The following CYS1 variants were observed in gnomAD, a reference collection of about 807,000 sequenced individuals.
CYS1 encodes the protein cystin 1.
Under a neutral mutation model 9.6 loss-of-function variants are expected in CYS1, and 5 were observed. The ratio of observed to expected loss-of-function variants is 0.52; its 90% confidence interval spans 0.27 to 1.10. The LOEUF is 1.10. Among genes scored for constraint, CYS1 ranks in the 50% least tolerant of loss-of-function variants. CYS1 has a pLI of 0.11. For missense variants in CYS1, 221 were observed against 207.9 expected, an observed-to-expected ratio of 1.06 and a Z score of -0.39; for synonymous variants, 88 against 95.7, an observed-to-expected ratio of 0.92 and a Z score of 0.47.
At chr2:10,060,717 T>C (rs1429580329) in intron 2 of CYS1, among the ~76,000 whole-genome samples, 5 of 152,276 alleles carry the variant, frequency 3.3e-5, no homozygotes, top group Non-Finnish European at 7.3e-5. Context: ...GCAGACGTTC[T>C]GGAGCCAGGC....
At chr2:10,074,602 T>C (rs1047458525) in intron 1 of CYS1, among the ~76,000 whole-genome samples, 1 of 152,200 alleles carries the variant, frequency 6.6e-6, no homozygotes, top group African/African-American at 2.4e-5. Flanking sequence ...ATGTTTTCAA[T>C]GTCCCCTCAT....
chr2:10,058,788 G>T lies in CYS1; in HGVS notation c.*65C>A. 1 of 1,386,492 alleles carries T rather than the reference G, an allele frequency of 7.2e-7. No homozygotes were observed. Among genetic ancestry groups the T allele is most frequent in the Non-Finnish European group, 9.8e-7 (1 of 1,015,552 alleles). 85.9% of individuals were successfully genotyped at this position (1,386,492 alleles called of 1,614,324 possible). On this transcript the variant is annotated 3_prime_UTR_variant, in exon 3 of 3. Transcript: ENST00000381813. ...GGTTCAGCTCCTGCTAGAGCTCTGTGCAAGCAGAGGGTGCCCCAGCCAGCA... is the reference window on the plus strand; with the variant it reads ...GGTTCAGCTCCTGCTAGAGCTCTGTTCAAGCAGAGGGTGCCCCAGCCAGCA...
At position 10,072,087 on chromosome 2, in the gene CYS1, C is replaced by CT. The variant is rs796306088; in HGVS notation, c.319-6132dup. ...GTGAAAATTAAAGTTTCAAAGGTTA[C>CT]TTTTTTTTTTTTTGAGACAGAGTTT... On this transcript the variant is annotated intron_variant, in intron 1 of 2. Coordinates refer to ENST00000381813, the MANE Select transcript of CYS1 (RefSeq NM_001037160.3). 2.0e-3 allele frequency among the ~76,000 whole-genome samples: 286 copies of CT among 146,328 alleles called. 1 individual carries two copies. The highest frequency in any genetic ancestry group is 0.012 in the East Asian group (58 of 5,040).
intron 1 of CYS1, among the ~76,000 whole-genome samples, chr2:10,067,406 CTTTTTTT>C (rs34525296): frequency 1.7e-5 from 2 of 118,114 alleles, no homozygotes; most frequent in Admixed American, 9.9e-5. Context: ...AAATTCTTTT[CTTTTTTT>C]TTTTTTTTTT....
At chr2:10,069,348 A>C (rs1661734779) in intron 1 of CYS1, among the ~76,000 whole-genome samples, 1 of 152,176 alleles carries the variant, frequency 6.6e-6, no homozygotes, top group Non-Finnish European at 1.5e-5. Context: ...TGGAGGAAAA[A>C]AAATTAATTA....
rs1290531242 is a variant in CYS1, at chr2:10,080,216, C to T, written c.8G>A (p.Ser3Asn). MG[S>N]GSSRSSRTLR... ...AGTCCGGCTGCTCCGGCTGCTGCCG[C>T]TGCCCATGGCGCGCCCGCCGCCTCC... is the stretch of plus-strand genomic sequence containing the variant. Residue 3 changes from serine to asparagine, a missense_variant, in exon 1 of 3, where the codon AGC (serine) becomes AAC (asparagine). Ser to Asn is a conservative substitution (Grantham distance 46, BLOSUM62 1). Transcript: ENST00000381813. This position sits in a 1 kb window ranked among gnomAD's most constrained non-coding sequence, Gnocchi z 6.4. The T allele has an allele frequency of 3.8e-6, 4 of 1,056,848 alleles. No individual in the cohort carries two copies. In the East Asian group the frequency reaches 2.4e-4, roughly 62 times the overall value. 65.5% of individuals were successfully genotyped at this position (1,056,848 alleles called of 1,614,324 possible). A position where few individuals can be genotyped will look rare whatever the true frequency, so the allele number is the denominator to read the frequency against.
chr2:10,058,902 T>C lies in CYS1; in HGVS notation c.428A>G (p.His143Arg). The change falls in exon 3 of 3, where the codon CAC becomes CGC. Residue 143 changes from histidine (H) to arginine (R), a missense_variant. His to Arg is a conservative substitution (Grantham distance 29, BLOSUM62 0). Transcript: ENST00000381813. Reference protein sequence around the residue: ...PERPAAISYDHSEEGLMASIE... With the variant: ...PERPAAISYDRSEEGLMASIE... Reference sequence around the variant, plus strand: ...GCTCGCCATCAGCCCCTCTTCCGAGTGGTCGTAGGAGATGGCTGCCGGCCT... The same window carrying C: ...GCTCGCCATCAGCCCCTCTTCCGAGCGGTCGTAGGAGATGGCTGCCGGCCT... 1 of 1,595,780 alleles carries C rather than the reference T, an allele frequency of 6.3e-7. No individual in the cohort carries two copies. Among genetic ancestry groups the C allele is most frequent in the Admixed American group, 1.7e-5 (1 of 58,046 alleles).
rs368188760 is a variant in CYS1, at chr2:10,076,615, C to T, written c.318+3291G>A. On this transcript the variant is annotated intron_variant, in intron 1 of 2. Coordinates refer to ENST00000381813, the MANE Select transcript of CYS1 (RefSeq NM_001037160.3). The surrounding 1 kb of genome is among the most constrained non-coding windows in gnomAD (Gnocchi z 4.3). ...GCCCTCCGTCCTAAGCACCTTCCTCCCTTGGCTTCCGGATGTTCTCTTGGT... is the reference window on the plus strand; with the variant it reads ...GCCCTCCGTCCTAAGCACCTTCCTCTCTTGGCTTCCGGATGTTCTCTTGGT... Among the ~76,000 whole-genome samples the T allele has an allele frequency of 5.9e-5, 9 of 152,294 alleles. No individual in the cohort carries two copies. The highest frequency in any genetic ancestry group is 2.2e-4 in the African/African-American group (9 of 41,562).
At position 10,063,697 on chromosome 2, in the gene CYS1, G is replaced by C. The variant is rs1477057786; in HGVS notation, c.371+2207C>G. Among the ~76,000 whole-genome samples the C allele has an allele frequency of 6.6e-6, 1 of 152,134 alleles. No individual in the cohort carries two copies. The highest frequency in any genetic ancestry group is 2.1e-4 in the South Asian group (1 of 4,824). On this transcript the variant is annotated intron_variant, in intron 2 of 2. Transcript: ENST00000381813. The surrounding 1 kb of genome is among the most constrained non-coding windows in gnomAD (Gnocchi z 4.2). ...ACTGGTACCCAAGAGCTGCACGCTG[G>C]GGGGCTGAGACTGGCCTGCAGGGTC...
chr2:10,058,684 C>T lies in CYS1; in HGVS notation c.*169G>A. 1 of 556,584 alleles carries T rather than the reference C, an allele frequency of 1.8e-6. No homozygotes were observed. The highest frequency in any genetic ancestry group is 3.1e-6 in the Non-Finnish European group (1 of 324,620). 34.5% of individuals were successfully genotyped at this position (556,584 alleles called of 1,614,324 possible). On this transcript the variant is annotated 3_prime_UTR_variant, in exon 3 of 3. Transcript: ENST00000381813. ...CACCAGCAACCATGACCGCCAGTGG[C>T]TGGCCCAGGTCAGCGCGGTCTGAAA...
intron 1 of CYS1, among the ~76,000 whole-genome samples, chr2:10,071,498 C>A (rs145949568): frequency 3.5e-4 from 53 of 152,358 alleles, no homozygotes; most frequent in African/African-American, 1.2e-3. Flanking sequence ...AACGGCCCCC[C>A]AGAGCGGACG....
chr2:10,075,519 G>C (rs1661831020), intron 1 of CYS1, among the ~76,000 whole-genome samples: 1 of 152,194 alleles, frequency 6.6e-6, no homozygotes, highest in African/African-American at 2.4e-5. Flanking sequence ...CAGTGACTTT[G>C]TTTTGCTGCA....
intron 1 of CYS1, among the ~76,000 whole-genome samples, chr2:10,070,699 C>T (rs1008977028): frequency 2.6e-5 from 4 of 152,024 alleles, no homozygotes; most frequent in African/African-American, 4.8e-5. Flanking sequence ...GGCTGGAGTG[C>T]GGTGGCCTGA....
intron 1 of CYS1, among the ~76,000 whole-genome samples, chr2:10,067,049 CT>C (rs1330944083): frequency 6.6e-6 from 1 of 152,090 alleles, no homozygotes; most frequent in Non-Finnish European, 1.5e-5. Context: ...GAGTTTTGCT[CT>C]TGTTGCCCAG....
At position 10,058,874 on chromosome 2, in the gene CYS1, G is replaced by A; in HGVS notation, c.456C>T (p.Ile152=). The A allele has an allele frequency of 6.3e-7, 1 of 1,587,704 alleles. No individual in the cohort carries two copies. Among genetic ancestry groups the A allele is most frequent in the Non-Finnish European group, 8.6e-7 (1 of 1,167,612 alleles). ...GTCCTCAGCGGCAGTACTCCCGCTC[G>A]ATGCTCGCCATCAGCCCCTCTTCCG... ...DHSEEGLMAS[I]EREYCR The change falls in exon 3 of 3, where the codon ATC becomes ATT. Residue 152 remains isoleucine (I), a synonymous_variant. Transcript: ENST00000381813.
chr2:10,072,846 G>A (rs1451369903), intron 1 of CYS1, among the ~76,000 whole-genome samples: 6 of 152,230 alleles, frequency 3.9e-5, no homozygotes, highest in Non-Finnish European at 7.3e-5. Flanking sequence ...AAGCTGAGCA[G>A]TGCAGGTGGA....
At chr2:10,064,896 GTTTTTT>G in intron 2 of CYS1, among the ~76,000 whole-genome samples, 1 of 131,810 alleles carries the variant, frequency 7.6e-6, no homozygotes, top group African/African-American at 2.7e-5. Context: ...TTTTGTTTTT[GTTTTTT>G]TTTTTTTTGG....
intron 1 of CYS1, among the ~76,000 whole-genome samples, chr2:10,069,064 A>G (rs977488627): frequency 6.8e-6 from 1 of 147,738 alleles, no homozygotes; most frequent in Non-Finnish European, 1.5e-5. Flanking sequence ...TCTGTCTCAG[A>G]AAAAAAAAAA....
At chr2:10,078,564 C>T (rs1206883905) in intron 1 of CYS1, among the ~76,000 whole-genome samples, 2 of 152,252 alleles carry the variant, frequency 1.3e-5, no homozygotes, top group Non-Finnish European at 2.9e-5. Flanking sequence ...AACTTGCTGC[C>T]TGGATCACGT....
Sources: allele counts gnomAD v4.1 joint callset (sites outside exome capture counted in the v4.1 genomes callset), GRCh38; gene constraint gnomAD v4.1.1; non-coding constraint Gnocchi (gnomAD v3.1); transcripts MANE v1.5; gene names NCBI Gene and HGNC (gene_info 2026-07-23, HGNC 2026-07-21).